BCL2L1: variants seen among roughly 807,000 people sequenced by gnomAD.
BCL2L1 encodes the protein bcl-2-like protein 1.
BCL2L1 carries 1 observed loss-of-function variant against 18.7 expected under a neutral mutation model. The ratio of observed to expected loss-of-function variants is 0.05; its 90% confidence interval spans 0.02 to 0.25. The LOEUF is 0.25. BCL2L1 is among the 10% of genes least tolerant of loss of function. BCL2L1 has a pLI of 1.00. For synonymous variants in BCL2L1, 103 were observed against 122.7 expected (o/e 0.84, Z 1.06); for missense variants, 207 against 304.9 (o/e 0.68, Z 2.39).
intron 2 of BCL2L1, among the ~76,000 whole-genome samples, chr20:31,687,373 C>T (rs749557983): frequency 1.3e-5 from 2 of 150,840 alleles, no homozygotes; most frequent in Non-Finnish European, 3.0e-5. Flanking sequence ...AATTCTCGGT[C>T]GGGCGCGGTG....
chr20:31,693,538 T>A (rs1396879715), intron 2 of BCL2L1, among the ~76,000 whole-genome samples: 4 of 152,034 alleles, frequency 2.6e-5, no homozygotes, highest in Non-Finnish European at 5.9e-5. Context: ...ACGTTTATTT[T>A]TGTTTGTTTT....
chr20:31,720,469 A>T, intron 2 of BCL2L1: 3 of 907,742 alleles, frequency 3.3e-6, no homozygotes, highest in Non-Finnish European at 4.0e-6. Flanking sequence ...CTAGGTAGGG[A>T]GATAAGCAAG....
intron 2 of BCL2L1, among the ~76,000 whole-genome samples, chr20:31,715,927 G>T (rs900891937): frequency 6.6e-6 from 1 of 151,896 alleles, no homozygotes; most frequent in African/African-American, 2.4e-5. Flanking sequence ...CACCTCCCAG[G>T]CTCAAGTGAT....
At chr20:31,698,991 T>G (rs2061235807) in intron 2 of BCL2L1, among the ~76,000 whole-genome samples, 1 of 152,134 alleles carries the variant, frequency 6.6e-6, no homozygotes, top group South Asian at 2.1e-4. Context: ...CAAATAACGT[T>G]TTGTTTACCC....
Position 31,722,337 on chromosome 20 carries a change from G to T in BCL2L1, c.-119C>A. ...CCAAAGCCAAGATAAGATTCTGAAG[G>T]GAGAGAAAGAGCTTCAGGAAAAAAA... On this transcript the variant is annotated 5_prime_UTR_variant, in exon 2 of 3. Coordinates refer to ENST00000307677, the MANE Select transcript of BCL2L1 (RefSeq NM_138578.3). 1.3e-6 allele frequency: 1 copy of T among 741,872 alleles called. No homozygotes were observed. Among genetic ancestry groups the T allele is most frequent in the East Asian group, 2.9e-5 (1 of 33,994 alleles). 46.0% of individuals were successfully genotyped at this position (741,872 alleles called of 1,614,324 possible).
At chr20:31,686,926 C>T (rs1051621894) in intron 2 of BCL2L1, among the ~76,000 whole-genome samples, 1 of 152,142 alleles carries the variant, frequency 6.6e-6, no homozygotes, top group African/African-American at 2.4e-5. Context: ...TAGCATTCAA[C>T]CTTAGGACTA....
At chr20:31,673,182 C>T (rs983393777) in intron 2 of BCL2L1, among the ~76,000 whole-genome samples, 4 of 148,572 alleles carry the variant, frequency 2.7e-5, no homozygotes, top group Middle Eastern at 3.5e-3. Context: ...AGCAATTCTT[C>T]TGCCTTAGTC....
chr20:31,720,192 C>A (rs1241496826), intron 2 of BCL2L1: 2 of 978,194 alleles, frequency 2.0e-6, no homozygotes, highest in African/African-American at 1.8e-5. Flanking sequence ...CTGGCACAGA[C>A]GAGTTGAAAT....
intron 2 of BCL2L1, among the ~76,000 whole-genome samples, chr20:31,697,442 CTTT>C (rs781576582): frequency 7.0e-6 from 1 of 142,708 alleles, no homozygotes; most frequent in African/African-American, 2.6e-5. Flanking sequence ...AGGTGACTTT[CTTT>C]TTTTTTTTTT....
chr20:31,701,899 C>T (rs1024311013), intron 2 of BCL2L1, among the ~76,000 whole-genome samples: 1 of 152,192 alleles, frequency 6.6e-6, no homozygotes, highest in Admixed American at 6.5e-5. Context: ...CAAAGAACAG[C>T]TGCAGACACT....
chr20:31,723,150 G>C (rs1295746206), upstream of BCL2L1: 1 of 333,762 alleles, frequency 3.0e-6, no homozygotes, highest in Non-Finnish European at 4.3e-6. Context: ...ATCTGACTTT[G>C]GGAAGGCCAC....
At chr20:31,683,769 CAAAAAAAAAAAAAAAAAAAAAA>C (rs372160646) in intron 2 of BCL2L1, among the ~76,000 whole-genome samples, 7 of 80,668 alleles carry the variant, frequency 8.7e-5, no homozygotes, top group Non-Finnish European at 1.5e-4. Flanking sequence ...AACTCCATCT[CAAAAAAAAAAAAAAAAAAAAAA>C]AAAAAAAAAA....
intron 2 of BCL2L1, among the ~76,000 whole-genome samples, chr20:31,710,967 G>A (rs929030283): frequency 6.6e-6 from 1 of 152,156 alleles, no homozygotes; most frequent in Non-Finnish European, 1.5e-5. Flanking sequence ...AAGCAATGAC[G>A]CTTATAGGCT....
intron 2 of BCL2L1, among the ~76,000 whole-genome samples, chr20:31,682,671 T>C (rs2060884036): frequency 6.6e-6 from 1 of 152,142 alleles, no homozygotes; most frequent in Non-Finnish European, 1.5e-5. Context: ...CCCAGTCTGG[T>C]CCTGAACTAC....
intron 2 of BCL2L1, among the ~76,000 whole-genome samples, chr20:31,687,465 G>A (rs2060978564): frequency 6.6e-6 from 1 of 151,842 alleles, no homozygotes; most frequent in Non-Finnish European, 1.5e-5. Context: ...AACGAGGTCA[G>A]GAGATCGAGA....
intron 2 of BCL2L1, among the ~76,000 whole-genome samples, chr20:31,719,597 G>C (rs2061591423): frequency 6.6e-6 from 1 of 152,138 alleles, no homozygotes; most frequent in Non-Finnish European, 1.5e-5. Context: ...AGTGACATGT[G>C]GTATGTTGTC....
intron 2 of BCL2L1, among the ~76,000 whole-genome samples, chr20:31,688,290 A>T (rs904896114): frequency 6.6e-6 from 1 of 151,896 alleles, no homozygotes; most frequent in Non-Finnish European, 1.5e-5. Context: ...CTAAAAATAC[A>T]AAAATTAGCC....
chr20:31,723,422 A>G, upstream of BCL2L1: 1 of 985,320 alleles, frequency 1.0e-6, no homozygotes, highest in Non-Finnish European at 1.2e-6. Context: ...GACAGGCCCA[A>G]AGTGGCTTTC....
chr20:31,723,241 G>A (rs1251786654), upstream of BCL2L1: 69 of 978,100 alleles, frequency 7.1e-5, no homozygotes, highest in Non-Finnish European at 8.3e-5. Context: ...CAAAGGCCCA[G>A]AACGTGGCAG....
Sources: allele counts gnomAD v4.1 joint callset (sites outside exome capture counted in the v4.1 genomes callset), GRCh38; gene constraint gnomAD v4.1.1; transcripts MANE v1.5; gene names NCBI Gene and HGNC (gene_info 2026-07-23, HGNC 2026-07-21).